The following MPP4 variants were observed in gnomAD, a reference collection of about 807,000 sequenced individuals.
The protein encoded by MPP4 is MAGUK p55 scaffold protein 4, also known as MAGUK p55 subfamily member 4.
In MPP4, 91 loss-of-function variants were observed where a neutral mutation model predicts 98.3. The ratio of observed to expected loss-of-function variants is 0.93; its 90% CI spans 0.78 to 1.10. MPP4 has a LOEUF of 1.10. MPP4 is among the 50% of genes least tolerant of loss of function. The pLI, the probability that MPP4 is intolerant of heterozygous loss-of-function variation, is 0.00. For synonymous variants in MPP4, 261 were observed against 271.8 expected, an observed-to-expected ratio of 0.96 and a Z score of 0.39; for missense variants, 744 against 792.9, an observed-to-expected ratio of 0.94 and a Z score of 0.74.
chr2:201,692,949 A>G lies in MPP4; in HGVS notation c.160T>C (p.Tyr54His), dbSNP rs773408654. 13 of 1,612,314 alleles carry G rather than the reference A, an allele frequency of 8.1e-6. No homozygotes were observed. Among genetic ancestry groups the G allele is most frequent in the Non-Finnish European group, 1.1e-5 (13 of 1,179,316 alleles). ...GRDVNGVCLL[Y>H]DLLHSPWLQA... is the part of the protein sequence containing the mutation. ...AGCCACGGCGAGTGGAGGAGATCGT[A>G]CAAGAGACACACTCCATTCACATCT... The change falls in exon 3 of 22, where the codon TAC (tyrosine) becomes CAC (histidine). Residue 54 changes from tyrosine to histidine, a missense_variant. Coordinates refer to ENST00000409474, the MANE Select transcript of MPP4 (RefSeq NM_033066.3).
At chr2:201,659,708 C>T (rs1687969728) in intron 15 of MPP4, among the ~76,000 whole-genome samples, 1 of 152,188 alleles carries the variant, frequency 6.6e-6, no homozygotes, top group South Asian at 2.1e-4. Context: ...GTGGCTTGTG[C>T]CTGTAGTCCC....
At chr2:201,682,323 G>A (rs369617848) in intron 8 of MPP4, among the ~76,000 whole-genome samples, 25 of 152,238 alleles carry the variant, frequency 1.6e-4, no homozygotes, top group Middle Eastern at 3.4e-3. Flanking sequence ...ACCACTCCTC[G>A]CCTCAGTCTC....
chr2:201,681,634 C>A (rs1553496203), intron 8 of MPP4, 67 bp from the exon 9 acceptor site: 1 of 1,182,210 alleles, frequency 8.5e-7, no homozygotes. Flanking sequence ...GCTCGGTGGA[C>A]AGAGTTACAG....
At position 201,681,038 on chromosome 2, in the gene MPP4, A is replaced by T; in HGVS notation, c.733-4T>A. On this transcript the variant is annotated splice_region_variant and splice_polypyrimidine_tract_variant and intron_variant, in intron 9 of 21. Transcript: ENST00000409474. ...CAGTCATGGCACGGACGTACACCTG[A>T]TGGCAGGTGCATAATGACGCTATCA... 2 of 1,606,480 alleles carry T rather than the reference A, an allele frequency of 1.2e-6. No homozygotes were observed. Among genetic ancestry groups the T allele is most frequent in the Non-Finnish European group, 1.7e-6 (2 of 1,173,862 alleles).
chr2:201,666,472 G>GAGTGCTGGGAT, intron 12 of MPP4, 100 bp from the exon 13 acceptor site: 8 of 928,362 alleles, frequency 8.6e-6, no homozygotes, highest in Non-Finnish European at 1.3e-5. Flanking sequence ...TGTGATCCCA[G>GAGTGCTGGGAT]CACTCTGGGA....
intron 1 of MPP4, 107 bp from the exon 2 acceptor site, chr2:201,694,161 A>G: frequency 1.9e-6 from 2 of 1,079,006 alleles, no homozygotes; most frequent in Non-Finnish European, 2.6e-6. Flanking sequence ...CCTACTCTTA[A>G]CCATCACCAG....
At chr2:201,670,902 C>A (rs938671524) in intron 11 of MPP4, among the ~76,000 whole-genome samples, 1 of 152,176 alleles carries the variant, frequency 6.6e-6, no homozygotes, top group African/African-American at 2.4e-5. Context: ...GTGCAGCCCA[C>A]AAAGGGTAAA....
rs1688176932 is a variant in MPP4 at position 201,666,445 on chromosome 2, G to C, written c.1013-73C>G. The stretch of plus-strand genomic sequence containing the variant: ...CATTAAAAAGAAAATTCCCGGCCAG[G>C]CATGGTGGCTCATGCCTGTGATCCC... On this transcript the variant is annotated intron_variant, in intron 12 of 21. Transcript: ENST00000409474. 2.4e-6 allele frequency: 3 copies of C among 1,242,064 alleles called. No individual in the cohort carries two copies. In the Admixed American group the frequency reaches 7.3e-5, roughly 30 times the overall value. 76.9% of individuals were successfully genotyped at this position (1,242,064 alleles called of 1,614,324 possible).
chr2:201,651,905 A>G (rs1687723830), intron 18 of MPP4: 1 of 557,128 alleles, frequency 1.8e-6, no homozygotes, highest in Non-Finnish European at 2.3e-6. Context: ...GTGAGCCGAG[A>G]TAACACCACG....
At chr2:201,646,756 G>A (rs1370233106) in intron 21 of MPP4, 1 of 152,194 alleles carries the variant, frequency 6.6e-6, no homozygotes, top group Non-Finnish European at 1.5e-5. Context: ...CTGAAACAAT[G>A]CAGAGATTAG....
At chr2:201,692,254 G>A (rs1184757274) in intron 3 of MPP4, among the ~76,000 whole-genome samples, 1 of 152,062 alleles carries the variant, frequency 6.6e-6, no homozygotes, top group Non-Finnish European at 1.5e-5. Flanking sequence ...ATATTAAAAG[G>A]TAAGGCTAGC....
At chr2:201,646,522 T>C (rs1308002709) in intron 21 of MPP4, among the ~76,000 whole-genome samples, 2 of 152,164 alleles carry the variant, frequency 1.3e-5, no homozygotes, top group African/African-American at 4.8e-5. Flanking sequence ...ACCATACATA[T>C]GATCCAGAAA....
intron 10 of MPP4, 29 bp from the exon 11 acceptor site, chr2:201,675,300 AAAAC>A: frequency 1.3e-6 from 2 of 1,585,060 alleles, no homozygotes; most frequent in Admixed American, 1.8e-5. Flanking sequence ...CATGCGACAA[AAAAC>A]AAACAAAAAC....
chr2:201,659,141 C>T (rs1466290720), intron 15 of MPP4, among the ~76,000 whole-genome samples: 4 of 152,202 alleles, frequency 2.6e-5, no homozygotes, highest in Admixed American at 1.3e-4. Flanking sequence ...GGTGATCCAC[C>T]CACCTCAGCC....
chr2:201,657,590 G>GTTTTTTTTGTTTTT (rs1687884945), intron 16 of MPP4, among the ~76,000 whole-genome samples: 1 of 91,124 alleles, frequency 1.1e-5, no homozygotes. Context: ...CCTGGCCCTT[G>GTTTTTTTTGTTTTT]TTTTTTTTTT....
intron 8 of MPP4, 39 bp from the exon 9 acceptor site, chr2:201,681,606 G>A (rs1169819919): frequency 2.6e-6 from 4 of 1,543,632 alleles, no homozygotes; most frequent in Non-Finnish European, 3.6e-6. Context: ...CAATCATGGA[G>A]CTAGCAGGGT....
intron 10 of MPP4, among the ~76,000 whole-genome samples, chr2:201,676,976 T>G (rs762495321): frequency 1.3e-5 from 2 of 152,216 alleles, no homozygotes; most frequent in African/African-American, 2.4e-5. Context: ...CCAGAAATAT[T>G]CTCTGCATAA....
At chr2:201,691,949 C>A (rs1350627107) in intron 3 of MPP4, among the ~76,000 whole-genome samples, 2 of 152,208 alleles carry the variant, frequency 1.3e-5, no homozygotes, top group South Asian at 2.1e-4. Context: ...GCTGCAAGGA[C>A]AAACGGTTGT....
intron 13 of MPP4, chr2:201,665,436 G>A (rs1294465460): frequency 6.6e-6 from 1 of 151,966 alleles, no homozygotes; most frequent in Non-Finnish European, 1.5e-5. Context: ...AAAATTTATT[G>A]CCCCAAGAAA....
Sources: gnomAD v4.1 joint callset for allele counts (sites outside exome capture counted in the v4.1 genomes callset) on GRCh38, gnomAD v4.1.1 for gene constraint, MANE v1.5 for transcripts, NCBI Gene and HGNC (gene_info 2026-07-23, HGNC 2026-07-21) for gene names.